ZFPM1: variants seen among roughly 807,000 people sequenced by gnomAD.
ZFPM1 encodes zinc finger protein, FOG family member 1.
In ZFPM1, 28 loss-of-function variants were observed where a neutral mutation model predicts 46.3. The observed-to-expected ratio is 0.60, with a 90% CI of 0.45 to 0.83. ZFPM1 has a LOEUF of 0.83. Among genes scored for constraint, ZFPM1 ranks in the 40% least tolerant of loss-of-function variants. The pLI, the probability that ZFPM1 is intolerant of heterozygous loss-of-function variation, is 0.00. For synonymous variants in ZFPM1, 957 were observed against 675.9 expected, an observed-to-expected ratio of 1.42 and a Z score of -6.45; for missense variants, 1,878 against 1,432.4, an observed-to-expected ratio of 1.31 and a Z score of -5.02.
chr16:88,495,529 C>T (rs527902101), intron 3 of ZFPM1, among the ~76,000 whole-genome samples: 21 of 152,338 alleles, frequency 1.4e-4, no homozygotes, highest in African/African-American at 4.6e-4. Flanking sequence ...GGGCAGAGAG[C>T]GAGTCTCCCC....
At position 88,471,202 on chromosome 16, in the gene ZFPM1, G is replaced by T. The variant is rs2142354401; in HGVS notation, c.41-14737G>T. The stretch of plus-strand genomic sequence containing the variant: ...CCGCCCTGACCGCGATGGGCACTGA[G>T]AATTCAGACAAGAGCCGGACTCCCT... On this transcript the variant is annotated intron_variant, in intron 1 of 9. Transcript: ENST00000319555. This position sits in a 1 kb window ranked among gnomAD's most constrained non-coding sequence, Gnocchi z 4.1. Among the ~76,000 whole-genome samples, 1 of 152,352 alleles carries T rather than the reference G, an allele frequency of 6.6e-6. No individual in the cohort carries two copies. Among genetic ancestry groups the T allele is most frequent in the East Asian group, 1.9e-4 (1 of 5,184 alleles).
intron 3 of ZFPM1, among the ~76,000 whole-genome samples, chr16:88,494,188 G>C (rs932922459): frequency 2.0e-5 from 3 of 152,172 alleles, no homozygotes; most frequent in African/African-American, 7.2e-5. Context: ...GGGGGTGCGG[G>C]CAGGTTCTAC....
chr16:88,501,716 T>C (rs577984674), intron 3 of ZFPM1, among the ~76,000 whole-genome samples: 7 of 142,430 alleles, frequency 4.9e-5, no homozygotes, highest in Admixed American at 1.4e-4. Context: ...GTGCTCTTGA[T>C]GATGGAGGTA....
chr16:88,460,688 G>A (rs1907776701), intron 1 of ZFPM1, among the ~76,000 whole-genome samples: 1 of 152,210 alleles, frequency 6.6e-6, no homozygotes, highest in South Asian at 2.1e-4. Context: ...GGAATAACAG[G>A]GTCCCTCCTA....
intron 5 of ZFPM1, among the ~76,000 whole-genome samples, chr16:88,527,387 G>C (rs901689788): frequency 2.0e-5 from 3 of 152,198 alleles, no homozygotes; most frequent in African/African-American, 7.2e-5. Context: ...CTGCTACTGA[G>C]GGTGGCACGT....
Position 88,533,409 on chromosome 16 carries a change from A to C in ZFPM1, c.1451A>C (p.Gln484Pro). The C allele has an allele frequency of 6.7e-7, 1 of 1,498,628 alleles. No homozygotes were observed. Among genetic ancestry groups the C allele is most frequent in the African/African-American group, 1.5e-5 (1 of 68,660 alleles). The allele number at this position is 1,498,628 out of a possible 1,614,324, so 92.8% of individuals were successfully genotyped here. ...PILGPGEPGP[Q>P]APSRTPSPRS... The stretch of plus-strand genomic sequence containing the variant: ...CTGGGCCCCGGAGAGCCTGGGCCCC[A>C]GGCCCCGTCGCGGACGCCGTCGCCG... The change falls in exon 10 of 10, where the codon CAG becomes CCG. Residue 484 changes from glutamine to proline, a missense_variant. Gln to Pro is a moderately conservative substitution (Grantham distance 76, BLOSUM62 -1). Coordinates refer to ENST00000319555, the MANE Select transcript of ZFPM1 (RefSeq NM_153813.3).
intron 3 of ZFPM1, among the ~76,000 whole-genome samples, chr16:88,507,050 C>G (rs999960731): frequency 1.3e-5 from 2 of 152,180 alleles, no homozygotes; most frequent in African/African-American, 4.8e-5. Context: ...CGCTCGGCGA[C>G]TCCTATCTGT....
intron 6 of ZFPM1, among the ~76,000 whole-genome samples, chr16:88,531,379 TG>T (rs1417608268): frequency 6.6e-6 from 1 of 152,166 alleles, no homozygotes; most frequent in Non-Finnish European, 1.5e-5. Flanking sequence ...GCAGCCCATT[TG>T]GGGTCAGTGT....
intron 3 of ZFPM1, among the ~76,000 whole-genome samples, chr16:88,510,393 C>G (rs1270680518): frequency 6.6e-6 from 1 of 152,250 alleles, no homozygotes. Context: ...CTCGGTCCCC[C>G]ACTGCTTCCA....
intron 4 of ZFPM1, among the ~76,000 whole-genome samples, chr16:88,519,473 T>A (rs1164023290): frequency 6.7e-6 from 1 of 149,876 alleles, no homozygotes; most frequent in Non-Finnish European, 1.5e-5. Flanking sequence ...GGTGGATGGA[T>A]GGATAGACAT....
chr16:88,494,580 G>A (rs968257399), intron 3 of ZFPM1, among the ~76,000 whole-genome samples: 2 of 152,200 alleles, frequency 1.3e-5, no homozygotes, highest in Non-Finnish European at 2.9e-5. Flanking sequence ...CCAGGAGGGG[G>A]TGTCCGCGGG....
chr16:88,535,702 A>G lies in ZFPM1; in HGVS notation c.*723A>G, dbSNP rs575274697. ...GGTCCTGATGCTCACTGGTGGGTGC[A>G]TCTCTCCCTCAGAGCCAGGGCTGAG... On this transcript the variant is annotated 3_prime_UTR_variant, in exon 10 of 10. Coordinates refer to ENST00000319555, the MANE Select transcript of ZFPM1 (RefSeq NM_153813.3). 3 of 152,438 alleles carry G rather than the reference A, an allele frequency of 2.0e-5. No individual in the cohort carries two copies. Among genetic ancestry groups the G allele is most frequent in the East Asian group, 3.9e-4 (2 of 5,182 alleles). The allele number at this position is 152,438 out of a possible 1,614,324, so 9.4% of individuals were successfully genotyped here.
intron 1 of ZFPM1, among the ~76,000 whole-genome samples, chr16:88,455,329 G>A (rs1157120308): frequency 6.6e-6 from 1 of 152,144 alleles, no homozygotes; most frequent in Non-Finnish European, 1.5e-5. Context: ...AACTGGGACC[G>A]CGGCGGGTGC....
At chr16:88,486,161 C>A in intron 2 of ZFPM1, 118 bp downstream of exon 2, 1 of 1,057,652 alleles carries the variant, frequency 9.5e-7, no homozygotes, top group South Asian at 1.5e-5. Flanking sequence ...ATGCAGGAGT[C>A]CAGGACAGGC....
chr16:88,505,360 G>A (rs1034788109), intron 3 of ZFPM1, among the ~76,000 whole-genome samples: 1 of 152,208 alleles, frequency 6.6e-6, no homozygotes, highest in Non-Finnish European at 1.5e-5. Flanking sequence ...CCCAGGCGGT[G>A]GTGCCCTCCT....
chr16:88,532,802 C>T lies in ZFPM1; in HGVS notation c.1056C>T (p.Ser352=), dbSNP rs770180799. ...CATGGCCCACAGGTGTCTGCCACAG[C>T]TGTGGCTTCATCTCCACCACAAGGG... ...HTDTLSGVCH[S]CGFISTTRDI... The change falls in exon 9 of 10, where the codon AGC becomes AGT. Residue 352 remains serine, a synonymous_variant. Transcript: ENST00000319555. The T allele has an allele frequency of 6.2e-7, 1 of 1,613,178 alleles. No homozygotes were observed. Among genetic ancestry groups the T allele is most frequent in the East Asian group, 2.2e-5 (1 of 44,896 alleles).
At chr16:88,511,124 A>G (rs371271224) in intron 3 of ZFPM1, among the ~76,000 whole-genome samples, 21 of 152,270 alleles carry the variant, frequency 1.4e-4, no homozygotes, top group African/African-American at 4.3e-4. Flanking sequence ...CTGGCAGGGA[A>G]GGACACCACC....
rs1317738427 is a variant in ZFPM1, at chr16:88,533,629, C to T, written c.1671C>T (p.Gly557=). 6 of 1,457,892 alleles carry T rather than the reference C, an allele frequency of 4.1e-6. No individual in the cohort carries two copies. Among genetic ancestry groups the T allele is most frequent in the East Asian group, 2.9e-5 (1 of 33,922 alleles). The allele number at this position is 1,457,892 out of a possible 1,614,324, so 90.3% of individuals were successfully genotyped here. The change falls in exon 10 of 10, where the codon GGC becomes GGT. Residue 557 remains glycine, a synonymous_variant. Coordinates refer to ENST00000319555, the MANE Select transcript of ZFPM1 (RefSeq NM_153813.3). ...TGGTGCACAGCCGGCTGCAGCAGGGCGCGGGCGCGGGCGCCGGCGGCGCGC... is the reference window on the plus strand; with the variant it reads ...TGGTGCACAGCCGGCTGCAGCAGGGTGCGGGCGCGGGCGCCGGCGGCGCGC... ...SELVHSRLQQ[G]AGAGAGGAQT...
At chr16:88,465,813 A>T (rs922690097) in intron 1 of ZFPM1, among the ~76,000 whole-genome samples, 3 of 152,168 alleles carry the variant, frequency 2.0e-5, no homozygotes, top group Non-Finnish European at 4.4e-5. Context: ...CCTTCAGCTG[A>T]TCCGAGATCC....
Sources: allele counts gnomAD v4.1 joint callset (sites outside exome capture counted in the v4.1 genomes callset), GRCh38; gene constraint gnomAD v4.1.1; non-coding constraint Gnocchi (gnomAD v3.1); transcripts MANE v1.5; gene names NCBI Gene and HGNC (gene_info 2026-07-23, HGNC 2026-07-21).